Variants in ANKFN1 observed in about 807,000 individuals in gnomAD.
ANKFN1 encodes ankyrin repeat and fibronectin type-III domain-containing protein 1.
Under a neutral mutation model 108.7 loss-of-function variants are expected in ANKFN1, and 74 were observed. The ratio of observed to expected loss-of-function variants is 0.68; its 90% CI spans 0.56 to 0.83. The LOEUF (loss-of-function observed/expected upper bound fraction) is 0.83. ANKFN1 is among the 40% of genes least tolerant of loss of function. The pLI, the probability that ANKFN1 is intolerant of heterozygous loss-of-function variation, is 0.00. For synonymous variants in ANKFN1, 547 were observed against 516.2 expected, an observed-to-expected ratio of 1.06 and a Z score of -0.81; for missense variants, 1,505 against 1,382.3, an observed-to-expected ratio of 1.09 and a Z score of -1.41.
intron 1 of ANKFN1, among the ~76,000 whole-genome samples, chr17:56,198,715 G>A (rs1567832117): frequency 6.6e-6 from 1 of 151,928 alleles, no homozygotes; most frequent in African/African-American, 2.4e-5. Flanking sequence ...CCTTTTCTTA[G>A]GTGATCCTTT....
At chr17:56,253,471 T>C (rs1168624727) in intron 3 of ANKFN1, among the ~76,000 whole-genome samples, 1 of 152,038 alleles carries the variant, frequency 6.6e-6, no homozygotes, top group Non-Finnish European at 1.5e-5. Flanking sequence ...GGCGCAATGG[T>C]TCACACCCAT....
intron 6 of ANKFN1, among the ~76,000 whole-genome samples, chr17:56,366,011 A>G (rs1188633382): frequency 1.3e-5 from 2 of 152,200 alleles, no homozygotes; most frequent in Non-Finnish European, 2.9e-5. Context: ...ACCATAAAAG[A>G]TGACAGCTCT....
intron 3 of ANKFN1, among the ~76,000 whole-genome samples, chr17:56,290,432 C>T (rs1283165708): frequency 6.6e-6 from 1 of 152,060 alleles, no homozygotes; most frequent in African/African-American, 2.4e-5. Flanking sequence ...CAGAAGAGCC[C>T]AAGGAAATAT....
chr17:56,223,296 A>C (rs892022553), intron 2 of ANKFN1, among the ~76,000 whole-genome samples: 5 of 152,350 alleles, frequency 3.3e-5, no homozygotes, highest in African/African-American at 4.8e-5. Context: ...GTGTGCTTCA[A>C]AATAAATCTG....
At chr17:56,274,001 C>A (rs2043854430) in intron 3 of ANKFN1, among the ~76,000 whole-genome samples, 1 of 152,192 alleles carries the variant, frequency 6.6e-6, no homozygotes. Context: ...TCCCCAAGAG[C>A]CTGGGCCAAA....
At position 56,168,676 on chromosome 17, in the gene ANKFN1, A is replaced by AGTTT. The variant is rs754537687; in HGVS notation, c.-71+15149_-71+15150insTGTT. On this transcript the variant is annotated intron_variant, in intron 1 of 20. Coordinates refer to ENST00000682825, the MANE Select transcript of ANKFN1 (RefSeq NM_001370326.1). ...GTTTTTTCTTGTTTAGTTTTGGTTTAGTTCGTTTGTTTTCACAAACGCTTT... is the reference window on the plus strand; with the variant it reads ...GTTTTTTCTTGTTTAGTTTTGGTTTAGTTTGTTCGTTTGTTTTCACAAACGCTTT... 1.2e-4 allele frequency among the ~76,000 whole-genome samples: 18 copies of AGTTT among 152,292 alleles called. No individual in the cohort carries two copies. The East Asian group carries it at 1.9e-3, about 16-fold the overall frequency.
chr17:56,442,889 G>A lies in ANKFN1; in HGVS notation c.1055G>A (p.Trp352Ter). 3.7e-6 allele frequency: 6 copies of A among 1,613,738 alleles called. No individual in the cohort carries two copies. Among genetic ancestry groups the A allele is most frequent in the Non-Finnish European group, 5.1e-6 (6 of 1,179,734 alleles). The change falls in exon 10 of 21, where the codon TGG becomes TAG. Residue 352 changes from tryptophan to a stop codon, truncating the protein, a stop_gained. Transcript: ENST00000682825. LOFTEE classifies it high-confidence loss of function. Reference sequence around the variant, plus strand: ...GTCTCGGCTTACAATATGAAAGGATGGGGACCTGCTCAGACCACGACACCG... The same window carrying A: ...GTCTCGGCTTACAATATGAAAGGATAGGGACCTGCTCAGACCACGACACCG... The part of the protein sequence containing the change: ...VQVSAYNMKG[W>*]GPAQTTTPAC...
intron 4 of ANKFN1, among the ~76,000 whole-genome samples, chr17:56,107,104 CT>C (rs1905765312): frequency 6.6e-6 from 1 of 152,128 alleles, no homozygotes; most frequent in Non-Finnish European, 1.5e-5. Flanking sequence ...TCTGGATGAA[CT>C]TTGGTGGATG....
At chr17:56,092,565 C>A (rs768594783) in intron 4 of ANKFN1, among the ~76,000 whole-genome samples, 1 of 151,056 alleles carries the variant, frequency 6.6e-6, no homozygotes, top group Non-Finnish European at 1.5e-5. Flanking sequence ...TGAGCCACCG[C>A]GCCCAGTCGG....
intron 18 of ANKFN1, among the ~76,000 whole-genome samples, chr17:56,483,180 C>T (rs1236898353): frequency 6.6e-6 from 1 of 152,138 alleles, no homozygotes; most frequent in Non-Finnish European, 1.5e-5. Flanking sequence ...AATGAATAGC[C>T]TGGGCTCCAG....
At chr17:56,501,283 C>G (rs2051360666) in intron 20 of ANKFN1, among the ~76,000 whole-genome samples, 1 of 152,108 alleles carries the variant, frequency 6.6e-6, no homozygotes. Context: ...GATTTTATCC[C>G]GCTTGTGATG....
At chr17:56,261,398 A>G (rs1304913534) in intron 3 of ANKFN1, among the ~76,000 whole-genome samples, 2 of 152,164 alleles carry the variant, frequency 1.3e-5, no homozygotes, top group Non-Finnish European at 1.5e-5. Flanking sequence ...TGTTTCTGAC[A>G]TTGTATTAGG....
intron 4 of ANKFN1, among the ~76,000 whole-genome samples, chr17:56,117,001 A>G (rs986405743): frequency 5.9e-5 from 9 of 152,192 alleles, no homozygotes; most frequent in Admixed American, 1.3e-4. Context: ...TTCTTCTTCA[A>G]TAAAAAAGTT....
chr17:56,172,679 A>T (rs565467666), intron 1 of ANKFN1, among the ~76,000 whole-genome samples: 2 of 152,196 alleles, frequency 1.3e-5, no homozygotes, highest in East Asian at 1.9e-4. Context: ...AGACAGGAGC[A>T]TGGGATGTAT....
chr17:56,299,373 C>G (rs1409899623), intron 3 of ANKFN1, among the ~76,000 whole-genome samples: 1 of 152,120 alleles, frequency 6.6e-6, no homozygotes, highest in Non-Finnish European at 1.5e-5. Context: ...GGACTCTGAC[C>G]CCTCTCCTGG....
At chr17:56,264,016 C>T (rs1432001421) in intron 3 of ANKFN1, among the ~76,000 whole-genome samples, 1 of 152,168 alleles carries the variant, frequency 6.6e-6, no homozygotes, top group Non-Finnish European at 1.5e-5. Context: ...GTGTGAGACT[C>T]CCGTACCCCT....
At chr17:56,416,003 G>A (rs1598566388) in intron 8 of ANKFN1, among the ~76,000 whole-genome samples, 1 of 152,054 alleles carries the variant, frequency 6.6e-6, no homozygotes, top group Admixed American at 6.6e-5. Context: ...GGGAAACTGG[G>A]TATTTATATG....
chr17:56,417,065 G>A (rs1567985120), intron 8 of ANKFN1, among the ~76,000 whole-genome samples: 1 of 152,022 alleles, frequency 6.6e-6, no homozygotes, highest in Non-Finnish European at 1.5e-5. Flanking sequence ...GCTGGGAAGG[G>A]TAGTGGGAGG....
intron 8 of ANKFN1, among the ~76,000 whole-genome samples, chr17:56,430,688 A>G (rs1296318370): frequency 6.6e-6 from 1 of 152,220 alleles, no homozygotes; most frequent in Non-Finnish European, 1.5e-5. Context: ...ACTAACATCA[A>G]TTCCAAAAGT....
Sources: gnomAD v4.1 joint callset for allele counts (sites outside exome capture counted in the v4.1 genomes callset) on GRCh38, gnomAD v4.1.1 for gene constraint, MANE v1.5 for transcripts, NCBI Gene and HGNC (gene_info 2026-07-23, HGNC 2026-07-21) for gene names.